Variants in CTSE observed in about 807,000 individuals in gnomAD.
CTSE encodes the protein cathepsin E, also known as erythrocyte membrane aspartic proteinase.
In CTSE, 43 loss-of-function variants were observed where a neutral mutation model predicts 42.8. The observed-to-expected ratio is 1.01, with a 90% CI of 0.79 to 1.30. The LOEUF is 1.30. CTSE is among the 50% of genes most tolerant of loss of function. The probability of loss-of-function intolerance (pLI) is 0.00; values close to 1 mark genes in which losing one functional copy is unlikely to be tolerated. For missense variants in CTSE, 532 were observed against 493.5 expected (o/e 1.08, Z -0.74); for synonymous variants, 205 against 191.5 (o/e 1.07, Z -0.58).
At chr1:206,022,336 C>T in intron 2 of CTSE, 69 bp from the exon 3 acceptor site, 1 of 1,161,760 alleles carries the variant, frequency 8.6e-7, no homozygotes, top group Non-Finnish European at 1.2e-6. Flanking sequence ...CACCAGGAAG[C>T]CAGGGGAAAG....
At position 206,023,068 on chromosome 1, in the gene CTSE, AC is replaced by A; in HGVS notation, c.69-12del. 2.1e-6 allele frequency: 3 copies of A among 1,413,976 alleles called. No homozygotes were observed. The highest frequency in any genetic ancestry group is 1.9e-6 in the Non-Finnish European group (2 of 1,056,016). The allele number at this position is 1,413,976 out of a possible 1,614,324, so 87.6% of individuals were successfully genotyped here. A position where few individuals can be genotyped will look rare whatever the true frequency, so the allele number is the denominator to read the frequency against. ...CTCCTGAGGGGCACCCTGGAGACAAACCCCCATGTAAGCAGGAGATGTACTT... is the reference window on the plus strand; with the variant it reads ...CTCCTGAGGGGCACCCTGGAGACAAACCCCATGTAAGCAGGAGATGTACTT... On this transcript the variant is annotated splice_polypyrimidine_tract_variant and intron_variant, in intron 1 of 8. Coordinates refer to ENST00000358184, the MANE Select transcript of CTSE (RefSeq NM_001910.4).
chr1:206,021,522 C>T (rs868971332), intron 3 of CTSE: 2 of 249,512 alleles, frequency 8.0e-6, no homozygotes, highest in Admixed American at 5.1e-5. Context: ...ACAATTGCCC[C>T]AGGAAATTAC....
At chr1:206,013,953 G>A in intron 5 of CTSE, 59 bp from the exon 6 acceptor site, 4 of 1,586,492 alleles carry the variant, frequency 2.5e-6, no homozygotes, top group Non-Finnish European at 3.4e-6. Flanking sequence ...CTAGGGGTGA[G>A]CCTCAGCTAG....
Position 206,010,341 on chromosome 1 carries a change from C to G in CTSE, c.1033G>C (p.Val345Leu), listed in dbSNP as rs145069780. The change falls in exon 9 of 9, where the codon GTG becomes CTG. Residue 345 changes from valine (V) to leucine (L), a missense_variant. Physicochemically the swap from Val to Leu is conservative, Grantham distance 32. Transcript: ENST00000358184. ...CTGCTGCAGAACTGCATTCCATCCACGAAGTCCTGTGGGTTGGAAAGAAGG... is the reference window on the plus strand; with the variant it reads ...CTGCTGCAGAACTGCATTCCATCCAGGAAGTCCTGTGGGTTGGAAAGAAGG... The part of the protein sequence containing the change: ...SPTAYTLLDF[V>L]DGMQFCSSGF... 6.2e-7 allele frequency: 1 copy of G among 1,613,016 alleles called. No individual in the cohort carries two copies. The highest frequency in any genetic ancestry group is 8.5e-7 in the Non-Finnish European group (1 of 1,179,220).
chr1:206,011,675 G>T (rs1661103237), intron 8 of CTSE, among the ~76,000 whole-genome samples: 1 of 152,018 alleles, frequency 6.6e-6, no homozygotes, highest in Admixed American at 6.6e-5. Flanking sequence ...CCCTGATGCT[G>T]TGAGTGACTC....
intron 8 of CTSE, among the ~76,000 whole-genome samples, chr1:206,010,648 G>A (rs572907423): frequency 3.3e-5 from 5 of 152,218 alleles, no homozygotes; most frequent in Admixed American, 6.5e-5. Flanking sequence ...TTTTACAACT[G>A]GGAAACCCTT....
chr1:206,022,083 G>T, intron 3 of CTSE, 67 bp downstream of exon 3: 2 of 1,093,916 alleles, frequency 1.8e-6, no homozygotes, highest in South Asian at 3.2e-5. Flanking sequence ...CTTCCCCAGA[G>T]TACCAGGCTT....
In CTSE at chr1:206,023,017, G is replaced by T; in HGVS notation, c.109C>A (p.Arg37=). ...RRHPSLKKKL[R]ARSQLSEFWK... is the part of the protein sequence containing the mutation. ...AACTCAGAGAGCTGGCTCCGTGCCCGCAGCTTCTTCTTGAGGGACGGATGC... is the reference window on the plus strand; with the variant it reads ...AACTCAGAGAGCTGGCTCCGTGCCCTCAGCTTCTTCTTGAGGGACGGATGC... The change falls in exon 2 of 9, where the codon CGG becomes AGG. Residue 37 remains arginine, a synonymous_variant. Coordinates refer to ENST00000358184, the MANE Select transcript of CTSE (RefSeq NM_001910.4). The T allele has an allele frequency of 6.2e-7, 1 of 1,613,078 alleles. No homozygotes were observed. Among genetic ancestry groups the T allele is most frequent in the Non-Finnish European group, 8.5e-7 (1 of 1,179,418 alleles).
intron 8 of CTSE, among the ~76,000 whole-genome samples, chr1:206,011,035 A>G (rs1159414308): frequency 6.6e-6 from 1 of 151,980 alleles, no homozygotes; most frequent in African/African-American, 2.4e-5. Context: ...GAAGGACGTG[A>G]AAAGTCAAAA....
At position 206,012,559 on chromosome 1, in the gene CTSE, G is replaced by C. The variant is rs1661137189; in HGVS notation, c.876C>G (p.Asp292Glu). ...TGGCGTTTTGCAGCTGCTTAATCTT[G>C]TCGGAAGGGCCAGTGATGAGGGAAG... ...TGTSLITGPS[D>E]KIKQLQNAIG... Residue 292 changes from aspartate (D) to glutamate (E), a missense_variant, in exon 7 of 9, where the codon GAC (aspartate) becomes GAG (glutamate). Transcript: ENST00000358184. 6.2e-7 allele frequency: 1 copy of C among 1,613,906 alleles called. No homozygotes were observed. Among genetic ancestry groups the C allele is most frequent in the African/African-American group, 1.3e-5 (1 of 74,918 alleles).
In CTSE at chr1:206,023,857, C is replaced by T. The variant is rs371449114; in HGVS notation, c.-66G>A. On this transcript the variant is annotated 5_prime_UTR_variant, in exon 1 of 9. Coordinates refer to ENST00000358184, the MANE Select transcript of CTSE (RefSeq NM_001910.4). The stretch of plus-strand genomic sequence containing the variant: ...CTTCTCTCCCCGAGGGCAGTGGGAA[C>T]GGACTTTCCCTAACTCTCAGACCTG... 7.9e-5 allele frequency: 121 copies of T among 1,528,270 alleles called. No homozygotes were observed. The African/African-American group carries it at 1.3e-3, about 17-fold the overall frequency. The allele number at this position is 1,528,270 out of a possible 1,614,324, so 94.7% of individuals were successfully genotyped here. A position where few individuals can be genotyped will look rare whatever the true frequency, so the allele number is the denominator to read the frequency against.
rs150035078 is a variant in CTSE, at chr1:206,020,217, C to T, written c.462+832G>A. Among the ~76,000 whole-genome samples, 475 of 149,720 alleles carry T rather than the reference C, an allele frequency of 3.2e-3. 1 individual carries two copies. Among genetic ancestry groups the T allele is most frequent in the African/African-American group, 0.01 (427 of 40,960 alleles). On this transcript the variant is annotated intron_variant, in intron 4 of 8. Coordinates refer to ENST00000358184, the MANE Select transcript of CTSE (RefSeq NM_001910.4). ...TATATATGTAATGTGTGTATACACACGCATACATAGTTCCAATAGAAAATA... is the reference window on the plus strand; with the variant it reads ...TATATATGTAATGTGTGTATACACATGCATACATAGTTCCAATAGAAAATA...
chr1:206,010,307 T>C lies in CTSE; in HGVS notation c.1067A>G (p.Gln356Arg). The C allele has an allele frequency of 6.2e-7, 1 of 1,613,788 alleles. No homozygotes were observed. The highest frequency in any genetic ancestry group is 1.7e-5 in the Admixed American group (1 of 59,990). The change falls in exon 9 of 9, where the codon CAA (glutamine) becomes CGA (arginine). Residue 356 changes from glutamine to arginine, a missense_variant. Gln to Arg is a conservative substitution (Grantham distance 43). Transcript: ENST00000358184. ...AGCTGGAGGGTGGATGTCAAGTCCT[T>C]GAAAGCCACTGCTGCAGAACTGCAT... The part of the protein sequence containing the change: ...DGMQFCSSGF[Q>R]GLDIHPPAGP...
intron 5 of CTSE, 139 bp from the exon 6 acceptor site, chr1:206,014,033 G>A (rs1159152752): frequency 2.6e-5 from 23 of 898,428 alleles, no homozygotes; most frequent in South Asian, 9.8e-5. Context: ...CTTTGAGACC[G>A]GGACTCTGAC....
rs781920444 is a variant in CTSE, at chr1:206,012,519, C to T, written c.916G>A (p.Val306Met). Residue 306 changes from valine to methionine, a missense_variant, in exon 7 of 9, where the codon GTG becomes ATG. Coordinates refer to ENST00000358184, the MANE Select transcript of CTSE (RefSeq NM_001910.4). Reference protein sequence around the residue: ...QLQNAIGAAPVDGEYAVECAN... With the variant: ...QLQNAIGAAPMDGEYAVECAN... ...AGGCAGGCACTCACTTCTCCATCCA[C>T]GGGGGCTGCCCCAATGGCGTTTTGC... The T allele has an allele frequency of 6.6e-5, 106 of 1,613,896 alleles. 2 individuals carry two copies. The highest frequency in any genetic ancestry group is 2.5e-4 in the Admixed American group (15 of 59,996).
chr1:206,013,442 G>C (rs1661174710), intron 6 of CTSE, among the ~76,000 whole-genome samples: 1 of 151,996 alleles, frequency 6.6e-6, no homozygotes, highest in African/African-American at 2.4e-5. Context: ...GACAAGATCT[G>C]AGCCCAATTC....
At position 206,019,361 on chromosome 1, in the gene CTSE, C is replaced by T. The variant is rs138681903; in HGVS notation, c.462+1688G>A. ...CATGAGGGTGAGGGTGGACTGGAAC[C>T]CACATTGTTCTCTCACTGTCCCCAA... On this transcript the variant is annotated intron_variant, in intron 4 of 8. Coordinates refer to ENST00000358184, the MANE Select transcript of CTSE (RefSeq NM_001910.4). Among the ~76,000 whole-genome samples, 30 of 152,004 alleles carry T rather than the reference C, an allele frequency of 2.0e-4. No homozygotes were observed. In the East Asian group the frequency reaches 5.8e-3, roughly 29 times the overall value.
intron 1 of CTSE, 85 bp downstream of exon 1, chr1:206,023,639 C>T (rs1661517687): frequency 2.3e-6 from 3 of 1,295,782 alleles, no homozygotes; most frequent in East Asian, 2.3e-5. Flanking sequence ...CTTCACCTCC[C>T]CATCAGCTTT....
intron 4 of CTSE, among the ~76,000 whole-genome samples, chr1:206,018,266 G>A (rs1253802023): frequency 2.0e-5 from 3 of 151,902 alleles, no homozygotes; most frequent in Non-Finnish European, 4.4e-5. Context: ...ATAAATTCCT[G>A]GAAAGATGAC....
Sources: allele counts gnomAD v4.1 joint callset (sites outside exome capture counted in the v4.1 genomes callset), GRCh38; gene constraint gnomAD v4.1.1; transcripts MANE v1.5; gene names NCBI Gene and HGNC (gene_info 2026-07-23, HGNC 2026-07-21).